Variants in C11orf65 observed in about 807,000 individuals in gnomAD.
C11orf65 encodes chromosome 11 open reading frame 65, also known as protein MFI.
Under a neutral mutation model 35.3 loss-of-function variants are expected in C11orf65, and 38 were observed. The ratio of observed to expected loss-of-function variants is 1.08; its 90% CI spans 0.83 to 1.41. The LOEUF is 1.41. Among genes scored for constraint, C11orf65 ranks in the 40% most tolerant of loss-of-function variants. C11orf65 has a pLI of 0.00. For missense variants in C11orf65, 370 were observed against 367.1 expected (o/e 1.01, Z -0.06); for synonymous variants, 105 against 114.4 (o/e 0.92, Z 0.53).
chr11:108,315,778 C>T (rs2136114786), intron 6 of C11orf65: 3 of 1,497,650 alleles, frequency 2.0e-6, no homozygotes, highest in South Asian at 2.3e-5. Flanking sequence ...ATTTATAGAC[C>T]GATTTTTTTT....
chr11:108,380,716 A>T (rs1456536671), downstream of C11orf65, among the ~76,000 whole-genome samples: 1 of 152,204 alleles, frequency 6.6e-6, no homozygotes, highest in Non-Finnish European at 1.5e-5. Flanking sequence ...TTGATATGAC[A>T]CCATCATTTG....
At chr11:108,326,767 G>GTCTACA (rs1473153405), downstream of C11orf65, among the ~76,000 whole-genome samples, 1 of 152,168 alleles carries the variant, frequency 6.6e-6, no homozygotes, top group African/African-American at 2.4e-5. Context: ...TGTCTACAGT[G>GTCTACA]GTGTCCCACA....
chr11:108,362,990 CAAA>C (rs895050205), intron 2 of C11orf65, among the ~76,000 whole-genome samples: 1 of 151,446 alleles, frequency 6.6e-6, no homozygotes. Context: ...AACAAACAAA[CAAA>C]AAAAACACAC....
chr11:108,389,945 C>T (rs1319096384), intron 7 of C11orf65, among the ~76,000 whole-genome samples: 2 of 151,872 alleles, frequency 1.3e-5, no homozygotes, highest in Non-Finnish European at 2.9e-5. Flanking sequence ...CCGCCCTCCT[C>T]AGCCTCCCAA....
intron 2 of C11orf65, among the ~76,000 whole-genome samples, chr11:108,337,106 C>A (rs1289365416): frequency 6.6e-6 from 1 of 152,134 alleles, no homozygotes; most frequent in African/African-American, 2.4e-5. Context: ...TAAATTAGAT[C>A]TACCCTCCAA....
At chr11:108,351,492 G>A (rs2089196231) in intron 2 of C11orf65, among the ~76,000 whole-genome samples, 1 of 152,188 alleles carries the variant, frequency 6.6e-6, no homozygotes, top group African/African-American at 2.4e-5. Flanking sequence ...GGCTCAGCTG[G>A]ACAGTTTTCA....
At chr11:108,379,238 A>C (rs371594057), downstream of C11orf65, among the ~76,000 whole-genome samples, 14 of 152,128 alleles carry the variant, frequency 9.2e-5, no homozygotes, top group Non-Finnish European at 1.5e-4. Flanking sequence ...AAATGTCCAA[A>C]AATGATAGAC....
intron 6 of C11orf65, among the ~76,000 whole-genome samples, chr11:108,396,410 C>T (rs2092309155): frequency 6.6e-6 from 1 of 151,864 alleles, no homozygotes; most frequent in African/African-American, 2.4e-5. Flanking sequence ...TTTCTTTTTT[C>T]AACAGTGATA....
chr11:108,386,290 A>C (rs775423548), intron 7 of C11orf65, among the ~76,000 whole-genome samples: 3 of 152,208 alleles, frequency 2.0e-5, no homozygotes, highest in Admixed American at 6.5e-5. Context: ...CTGAGTGTTT[A>C]CTAAGAAGTT....
At chr11:108,339,654 A>T (rs1254855997) in intron 2 of C11orf65, among the ~76,000 whole-genome samples, 2 of 152,128 alleles carry the variant, frequency 1.3e-5, no homozygotes, top group Non-Finnish European at 2.9e-5. Context: ...CCAACATCAC[A>T]GTTGAGACTC....
intron 3 of C11orf65, among the ~76,000 whole-genome samples, chr11:108,425,192 C>T (rs565319712): frequency 2.0e-5 from 3 of 151,822 alleles, no homozygotes; most frequent in Non-Finnish European, 4.4e-5. Flanking sequence ...CACAAAAAAA[C>T]CTGCAAAAAA....
Position 108,343,370 on chromosome 11 carries a change from T to C in C11orf65, c.227-8078A>G, listed in dbSNP as rs1234463032. 6.2e-7 allele frequency: 1 copy of C among 1,613,846 alleles called. No individual in the cohort carries two copies. Among genetic ancestry groups the C allele is most frequent in the South Asian group, 1.1e-5 (1 of 91,074 alleles). Reference sequence around the variant, plus strand: ...GCCTTTCAGTGCCAAAAGAAAATGATGGTGAGTGACACCCAAAATTAAAGG... The same window carrying C: ...GCCTTTCAGTGCCAAAAGAAAATGACGGTGAGTGACACCCAAAATTAAAGG... On this transcript the variant is annotated intron_variant, in intron 2 of 3. Coordinates refer to the C11orf65 transcript ENST00000524755.
downstream of C11orf65, among the ~76,000 whole-genome samples, chr11:108,378,149 A>AC (rs1405524468): frequency 6.6e-6 from 1 of 152,204 alleles, no homozygotes; most frequent in Non-Finnish European, 1.5e-5. Flanking sequence ...TTCATATGGA[A>AC]CCAAAAAGGG....
intron 1 of C11orf65, among the ~76,000 whole-genome samples, chr11:108,464,764 A>C (rs2093514510): frequency 6.6e-6 from 1 of 152,152 alleles, no homozygotes; most frequent in South Asian, 2.1e-4. Context: ...TGGGTTCGGA[A>C]AGGGAAGAGA....
At chr11:108,449,460 A>C (rs1452721468) in intron 2 of C11orf65, among the ~76,000 whole-genome samples, 1 of 152,024 alleles carries the variant, frequency 6.6e-6, no homozygotes, top group Non-Finnish European at 1.5e-5. Flanking sequence ...GGAGCAGAAC[A>C]GAGTCCTCAG....
intron 6 of C11orf65, among the ~76,000 whole-genome samples, chr11:108,314,561 G>A (rs2084455023): frequency 6.6e-6 from 1 of 151,816 alleles, no homozygotes; most frequent in African/African-American, 2.4e-5. Context: ...TCCTCCTGTT[G>A]TCTAGGACCA....
In C11orf65 at chr11:108,324,297, A is replaced by C. The variant is rs568258226; in HGVS notation, c.641-15226T>G. On this transcript the variant is annotated intron_variant, in intron 6 of 6. Coordinates refer to the C11orf65 transcript ENST00000525729. ...GGGACTTTGAACATCAGCATTATCA[A>C]GGTGTCTTGGAACCAATTTTCTGCA... Among the ~76,000 whole-genome samples the C allele has an allele frequency of 1.8e-3, 271 of 152,298 alleles. 10 individuals are homozygous for C. In the South Asian group the frequency reaches 0.031, roughly 17 times the overall value.
At chr11:108,416,161 G>A (rs1316123344) in intron 3 of C11orf65, among the ~76,000 whole-genome samples, 1 of 152,080 alleles carries the variant, frequency 6.6e-6, no homozygotes, top group Non-Finnish European at 1.5e-5. Flanking sequence ...GAAAAGACAG[G>A]TCATAAACTG....
intron 2 of C11orf65, chr11:108,367,223 G>A (rs554540485): frequency 1.8e-4 from 32 of 178,490 alleles, no homozygotes; most frequent in Non-Finnish European, 2.9e-4. Context: ...GCTTGACCTC[G>A]TGATCCACCC....
Sources: gnomAD v4.1 joint callset for allele counts (sites outside exome capture counted in the v4.1 genomes callset) on GRCh38, gnomAD v4.1.1 for gene constraint, MANE v1.5 for transcripts, NCBI Gene and HGNC (gene_info 2026-07-23, HGNC 2026-07-21) for gene names.